FARS2: variants seen among roughly 807,000 people sequenced by gnomAD.
The protein encoded by FARS2 is phenylalanyl-tRNA synthetase 2, mitochondrial, also known as phenylalanine--tRNA ligase, mitochondrial.
In FARS2, 40 loss-of-function variants were observed where a neutral mutation model predicts 46.4. The observed-to-expected ratio is 0.86, with a 90% CI of 0.67 to 1.12. The LOEUF (loss-of-function observed/expected upper bound fraction) is 1.12. Among genes scored for constraint, FARS2 ranks in the 50% most tolerant of loss-of-function variants. The pLI is 0.00. For missense variants in FARS2, 513 were observed against 567.9 expected, an observed-to-expected ratio of 0.90 and a Z score of 0.98; for synonymous variants, 234 against 214.9, an observed-to-expected ratio of 1.09 and a Z score of -0.78.
intron 5 of FARS2, among the ~76,000 whole-genome samples, chr6:5,548,206 AACATGTG>A (rs1771158893): frequency 6.6e-6 from 1 of 152,160 alleles, no homozygotes; most frequent in South Asian, 2.1e-4. Flanking sequence ...TTGCTCCCAC[AACATGTG>A]GGAATTCTGG....
At chr6:5,262,037 A>C (rs1765182305) in intron 1 of FARS2, among the ~76,000 whole-genome samples, 1 of 152,220 alleles carries the variant, frequency 6.6e-6, no homozygotes, top group African/African-American at 2.4e-5. Context: ...TTTGCAAAGC[A>C]CTTTTCTTGT....
intron 4 of FARS2, among the ~76,000 whole-genome samples, chr6:5,511,263 A>C (rs964632566): frequency 3.3e-5 from 5 of 152,212 alleles, no homozygotes; most frequent in Non-Finnish European, 7.3e-5. Context: ...AAAAGAGAAA[A>C]TGAGGAGAAG....
chr6:5,357,138 G>A (rs1581870653), intron 1 of FARS2, among the ~76,000 whole-genome samples: 1 of 152,066 alleles, frequency 6.6e-6, no homozygotes, highest in African/African-American at 2.4e-5. Context: ...CCATCTTTTC[G>A]AAGGACTTCC....
At chr6:5,377,513 C>T (rs1290059588) in intron 2 of FARS2, among the ~76,000 whole-genome samples, 1 of 150,688 alleles carries the variant, frequency 6.6e-6, no homozygotes, top group Non-Finnish European at 1.5e-5. Context: ...TCTTTTCTTC[C>T]AGATTCTGTC....
At chr6:5,310,310 A>G (rs1480123267) in intron 1 of FARS2, among the ~76,000 whole-genome samples, 1 of 152,130 alleles carries the variant, frequency 6.6e-6, no homozygotes, top group East Asian at 1.9e-4. Flanking sequence ...TTTATTAATA[A>G]TTTTGGAGTG....
At chr6:5,741,690 G>A (rs1223686379) in intron 6 of FARS2, among the ~76,000 whole-genome samples, 3 of 152,116 alleles carry the variant, frequency 2.0e-5, no homozygotes, top group East Asian at 1.9e-4. Flanking sequence ...TGGCTCTGTC[G>A]CCCAGGCTGG....
intron 4 of FARS2, among the ~76,000 whole-genome samples, chr6:5,444,813 C>T (rs1453075566): frequency 1.3e-5 from 2 of 151,994 alleles, no homozygotes; most frequent in Admixed American, 6.6e-5. Context: ...ATTTTTGAAG[C>T]TTGCTCGTGG....
chr6:5,432,346 A>AT (rs1341644230), intron 4 of FARS2, among the ~76,000 whole-genome samples: 3 of 32,242 alleles, frequency 9.3e-5, no homozygotes, highest in Non-Finnish European at 1.3e-4. Context: ...ATATATATAT[A>AT]TATATTATAT....
At chr6:5,589,007 T>C (rs1773771772) in intron 5 of FARS2, among the ~76,000 whole-genome samples, 1 of 152,210 alleles carries the variant, frequency 6.6e-6, no homozygotes, top group Non-Finnish European at 1.5e-5. Flanking sequence ...TAGTCTTTAC[T>C]ATGTTGCTAA....
intron 6 of FARS2, among the ~76,000 whole-genome samples, chr6:5,737,314 C>T (rs1254525384): frequency 3.3e-5 from 5 of 152,180 alleles, no homozygotes; most frequent in East Asian, 1.9e-4. Context: ...GGGTGGATCA[C>T]GAGGTCAGGA....
At chr6:5,394,171 C>T (rs149380722) in intron 2 of FARS2, among the ~76,000 whole-genome samples, 14 of 152,286 alleles carry the variant, frequency 9.2e-5, no homozygotes, top group South Asian at 2.1e-4. Context: ...TGTACATACA[C>T]GCACACAGTC....
rs190786156 is a variant in FARS2 at position 5,493,557 on chromosome 6, G to A, written c.905-51623G>A. Reference sequence around the variant, plus strand: ...CTATAGGGGACCTTATGTCTACCCCGGACCACCAAGCTGGGACTGGAGATC... The same window carrying A: ...CTATAGGGGACCTTATGTCTACCCCAGACCACCAAGCTGGGACTGGAGATC... On this transcript the variant is annotated intron_variant, in intron 4 of 6. Coordinates refer to ENST00000274680, the MANE Select transcript of FARS2 (RefSeq NM_006567.5). Among the ~76,000 whole-genome samples, 12 of 152,196 alleles carry A rather than the reference G, an allele frequency of 7.9e-5. No homozygotes were observed. In the East Asian group the frequency reaches 1.7e-3, roughly 22 times the overall value.
chr6:5,286,649 A>AGT (rs1238459158), intron 1 of FARS2, among the ~76,000 whole-genome samples: 1 of 152,168 alleles, frequency 6.6e-6, no homozygotes, highest in African/African-American at 2.4e-5. Flanking sequence ...TATGTGTATG[A>AGT]GTGTGTGTGT....
chr6:5,616,527 A>G (rs1243873868), intron 6 of FARS2, among the ~76,000 whole-genome samples: 3 of 152,188 alleles, frequency 2.0e-5, no homozygotes, highest in Non-Finnish European at 2.9e-5. Flanking sequence ...ATATTTGCAT[A>G]TATGTAATGA....
intron 1 of FARS2, among the ~76,000 whole-genome samples, chr6:5,344,308 G>A (rs944908454): frequency 4.6e-5 from 7 of 152,212 alleles, no homozygotes; most frequent in Non-Finnish European, 7.3e-5. Flanking sequence ...GGCCCAGAGA[G>A]GAAGTGACAG....
chr6:5,259,571 G>C (rs1764864291), upstream of FARS2, among the ~76,000 whole-genome samples: 1 of 151,396 alleles, frequency 6.6e-6, no homozygotes, highest in Non-Finnish European at 1.5e-5. Context: ...TCCTCTGACA[G>C]AGGTTGTACT....
chr6:5,529,385 G>A lies in FARS2; in HGVS notation c.905-15795G>A, dbSNP rs62387163. Among the ~76,000 whole-genome samples the A allele has an allele frequency of 3.5e-3, 531 of 152,248 alleles. 1 individual carries two copies. The highest frequency in any genetic ancestry group is 5.6e-3 in the Non-Finnish European group (382 of 68,022). On this transcript the variant is annotated intron_variant, in intron 4 of 6. Transcript: ENST00000274680. ...TGCAGTGGCACAATCTCGGCGCACT[G>A]CAACCTCCGCCTCCTGGGTTCAATC...
chr6:5,646,520 G>T (rs1582662551), intron 6 of FARS2, among the ~76,000 whole-genome samples: 2 of 152,158 alleles, frequency 1.3e-5, no homozygotes. Flanking sequence ...AAGAGGAGGG[G>T]TTTTTAAAAG....
At chr6:5,551,229 G>T (rs1771354465) in intron 5 of FARS2, among the ~76,000 whole-genome samples, 1 of 152,178 alleles carries the variant, frequency 6.6e-6, no homozygotes, top group Non-Finnish European at 1.5e-5. Flanking sequence ...CTGCCGCTAT[G>T]AATGAACAAG....
Sources: gnomAD v4.1 joint callset for allele counts (sites outside exome capture counted in the v4.1 genomes callset) on GRCh38, gnomAD v4.1.1 for gene constraint, MANE v1.5 for transcripts, NCBI Gene and HGNC (gene_info 2026-07-23, HGNC 2026-07-21) for gene names.